The following CAST variants were observed in gnomAD, a reference collection of about 807,000 sequenced individuals.
CAST encodes calpastatin, also known as MIR583 host.
In CAST, 76 loss-of-function variants were observed where a neutral mutation model predicts 119.6. That is an observed-to-expected ratio of 0.64 (90% CI 0.53 to 0.77). CAST has a LOEUF of 0.77. CAST is among the 30% of genes least tolerant of loss of function. The pLI is 0.00. For synonymous variants in CAST, 319 were observed against 331.6 expected, an observed-to-expected ratio of 0.96 and a Z score of 0.41; for missense variants, 953 against 946.5, an observed-to-expected ratio of 1.01 and a Z score of -0.09.
the CAST span, chr5:96,411,074 G>C: frequency 1.0e-6 from 1 of 956,484 alleles, no homozygotes; most frequent in Admixed American, 1.7e-5. Flanking sequence ...GACTACATGT[G>C]TGAAATTCTC....
the CAST span, among the ~76,000 whole-genome samples, chr5:96,484,359 C>T: frequency 3.9e-5 from 6 of 152,150 alleles, no homozygotes; most frequent in African/African-American, 1.2e-4. Flanking sequence ...TAAAAGCCAA[C>T]ACAATTTTAA....
chr5:96,654,728 T>A (rs1748134449), intron 1 of CAST, among the ~76,000 whole-genome samples: 1 of 152,156 alleles, frequency 6.6e-6, no homozygotes, highest in African/African-American at 2.4e-5. Context: ...GGCATCTGGA[T>A]TTTCAAGAAT....
the CAST span, chr5:96,392,877 A>T: frequency 1.0e-6 from 1 of 986,414 alleles, no homozygotes; most frequent in Non-Finnish European, 1.6e-6. Flanking sequence ...GAGAAAAAGA[A>T]AAGGTGCCAC....
the CAST span, among the ~76,000 whole-genome samples, chr5:96,223,492 G>A: frequency 6.6e-6 from 1 of 152,192 alleles, no homozygotes; most frequent in Non-Finnish European, 1.5e-5. Flanking sequence ...AGCAAAGGGA[G>A]ATTTGAACAA....
chr5:96,395,799 A>C, the CAST span, among the ~76,000 whole-genome samples: 1 of 151,292 alleles, frequency 6.6e-6, no homozygotes, highest in Non-Finnish European at 1.5e-5. Flanking sequence ...ATAAAAAACT[A>C]AATAAAAGAG....
At chr5:96,743,666 C>A in intron 16 of CAST, 3 of 1,613,338 alleles carry the variant, frequency 1.9e-6, no homozygotes, top group South Asian at 2.2e-5. Flanking sequence ...GGAGGGCTCA[C>A]CGGCCACAGT....
the CAST span, among the ~76,000 whole-genome samples, chr5:96,094,303 A>G: frequency 6.6e-6 from 1 of 152,206 alleles, no homozygotes; most frequent in African/African-American, 2.4e-5. Flanking sequence ...AGAGAGTGGC[A>G]TTAGAAATTG....
At position 96,727,403 on chromosome 5, in the gene CAST, TGAA is replaced by T. The variant is rs1759456625; in HGVS notation, c.337-82_337-80del. 2.4e-5 allele frequency: 16 copies of T among 665,058 alleles called. No homozygotes were observed. The South Asian group carries it at 3.3e-4, about 14-fold the overall frequency. 41.2% of individuals were successfully genotyped at this position (665,058 alleles called of 1,614,324 possible). A position where few individuals can be genotyped will look rare whatever the true frequency, so the allele number is the denominator to read the frequency against. ...ATCATCTCTTTTGAGTTTCCTCAGT[TGAA>T]GAAAATCTGTGATAGTCTTTGTAAA... On this transcript the variant is annotated intron_variant, in intron 5 of 31. Coordinates refer to ENST00000675179, the MANE Select transcript of CAST (RefSeq NM_001750.7).
chr5:96,351,493 C>A, the CAST span, among the ~76,000 whole-genome samples: 2 of 152,154 alleles, frequency 1.3e-5, no homozygotes, highest in African/African-American at 4.8e-5. Context: ...GAACACTCAA[C>A]TGGCACATGA....
the CAST span, among the ~76,000 whole-genome samples, chr5:96,101,664 C>A: frequency 6.6e-6 from 1 of 152,170 alleles, no homozygotes; most frequent in African/African-American, 2.4e-5. Flanking sequence ...ACCGCACAGA[C>A]AAATGGCCAG....
chr5:96,513,523 G>C, the CAST span, among the ~76,000 whole-genome samples: 1 of 152,136 alleles, frequency 6.6e-6, no homozygotes, highest in Non-Finnish European at 1.5e-5. Context: ...GGTGCATTAA[G>C]CAAGACTGTG....
chr5:95,982,617 G>C, the CAST span, among the ~76,000 whole-genome samples: 1 of 152,180 alleles, frequency 6.6e-6, no homozygotes. Flanking sequence ...GCAGAGAATA[G>C]TGCCTCGCAG....
chr5:96,227,698 C>T, the CAST span, among the ~76,000 whole-genome samples: 2 of 152,206 alleles, frequency 1.3e-5, no homozygotes, highest in Non-Finnish European at 2.9e-5. Flanking sequence ...TTTTTTGTTA[C>T]TTTTTATTTT....
chr5:96,183,946 A>G, the CAST span, among the ~76,000 whole-genome samples: 1 of 152,216 alleles, frequency 6.6e-6, no homozygotes, highest in Non-Finnish European at 1.5e-5. Context: ...TTATACCACA[A>G]TATCATATAG....
the CAST span, among the ~76,000 whole-genome samples, chr5:96,256,683 G>T: frequency 6.6e-6 from 1 of 151,818 alleles, no homozygotes; most frequent in Admixed American, 6.6e-5. Flanking sequence ...ATAATCTTAT[G>T]GGACCACTGT....
chr5:96,255,949 CT>C, the CAST span, among the ~76,000 whole-genome samples: 1 of 152,066 alleles, frequency 6.6e-6, no homozygotes, highest in African/African-American at 2.4e-5. Context: ...TTGGGACCCT[CT>C]GTTAAATAGG....
intron 7 of CAST, 93 bp from the exon 8 acceptor site, chr5:96,729,519 T>G: frequency 3.0e-6 from 2 of 671,926 alleles, no homozygotes; most frequent in Non-Finnish European, 5.5e-6. Context: ...CAATTTTTAT[T>G]CTATAGAGAA....
the CAST span, among the ~76,000 whole-genome samples, chr5:96,103,309 A>G: frequency 3.4e-5 from 5 of 149,138 alleles, no homozygotes; most frequent in East Asian, 1.0e-3. Context: ...TTAACTCGTC[A>G]TCTAGCATTA....
chr5:96,028,982 G>T, the CAST span, among the ~76,000 whole-genome samples: 1 of 152,254 alleles, frequency 6.6e-6, no homozygotes, highest in East Asian at 1.9e-4. Context: ...GCCATTTATG[G>T]CACACAGTTT....
Sources: gnomAD v4.1 joint callset for allele counts (sites outside exome capture counted in the v4.1 genomes callset) on GRCh38, gnomAD v4.1.1 for gene constraint, MANE v1.5 for transcripts, NCBI Gene and HGNC (gene_info 2026-07-23, HGNC 2026-07-21) for gene names.